The following MED12L variants were observed in gnomAD, a reference collection of about 807,000 sequenced individuals.
MED12L encodes the protein mediator complex subunit 12L.
MED12L carries 60 observed loss-of-function variants against 281.3 expected under a neutral mutation model. The ratio of observed to expected loss-of-function variants is 0.21; its 90% CI spans 0.17 to 0.26. MED12L has a LOEUF of 0.26. Ranked by LOEUF, MED12L falls within the 10% of genes least tolerant of loss-of-function variation. The pLI is 1.00. For synonymous variants in MED12L, 974 were observed against 987.2 expected (o/e 0.99, Z 0.25); for missense variants, 2,146 against 2,680.9 (o/e 0.80, Z 4.41).
intron 43 of MED12L, among the ~76,000 whole-genome samples, chr3:151,423,144 C>T (rs1199686355): frequency 1.3e-5 from 2 of 151,444 alleles, no homozygotes; most frequent in Non-Finnish European, 2.9e-5. Context: ...CTCAGCATCC[C>T]GAGTAGCTGG....
chr3:151,114,123 G>A lies in MED12L; in HGVS notation c.100-2215G>A, dbSNP rs1459009652. On this transcript the variant is annotated intron_variant, in intron 2 of 44. Transcript: ENST00000687756. Reference sequence around the variant, plus strand: ...GTAGCACATTTGCTTTAAGTTGACTGAAACCTTTCTGACTTAAAATATGCA... The same window carrying A: ...GTAGCACATTTGCTTTAAGTTGACTAAAACCTTTCTGACTTAAAATATGCA... Among the ~76,000 whole-genome samples the A allele has an allele frequency of 5.3e-5, 8 of 152,186 alleles. 1 individual carries two copies. Among genetic ancestry groups the A allele is most frequent in the Admixed American group, 4.6e-4 (7 of 15,276 alleles).
At chr3:151,305,399 A>G (rs528787558) in intron 16 of MED12L, among the ~76,000 whole-genome samples, 8 of 152,224 alleles carry the variant, frequency 5.3e-5, no homozygotes, top group African/African-American at 1.7e-4. Flanking sequence ...TCCTTTGGCT[A>G]TTTTACTAAC....
intron 43 of MED12L, among the ~76,000 whole-genome samples, chr3:151,420,371 T>C (rs1718098637): frequency 6.6e-6 from 1 of 152,126 alleles, no homozygotes. Flanking sequence ...AATAGAATCA[T>C]TGTATTCCTA....
At chr3:151,103,889 CCT>C (rs1001815292) in intron 2 of MED12L, among the ~76,000 whole-genome samples, 9 of 152,206 alleles carry the variant, frequency 5.9e-5, no homozygotes, top group African/African-American at 2.2e-4. Context: ...TTACTTCTCA[CCT>C]CTCAGCCTCA....
chr3:151,355,744 T>G (rs906580967), intron 18 of MED12L, 152 bp from the exon 19 acceptor site: 3 of 569,308 alleles, frequency 5.3e-6, no homozygotes, highest in Non-Finnish European at 8.5e-6. Context: ...TCTTTGTACA[T>G]AGTTTTATAG....
intron 17 of MED12L, 92 bp downstream of exon 17, chr3:151,350,298 A>G: frequency 7.9e-7 from 1 of 1,259,142 alleles, no homozygotes; most frequent in Non-Finnish European, 1.1e-6. Context: ...GTCACTGTCA[A>G]CAGAGCGTTT....
At chr3:151,359,720 C>T (rs1754373038) in intron 20 of MED12L, among the ~76,000 whole-genome samples, 1 of 152,042 alleles carries the variant, frequency 6.6e-6, no homozygotes, top group African/African-American at 2.4e-5. Flanking sequence ...AATAATCTGT[C>T]ATCTGTGACT....
chr3:151,398,126 G>A (rs1220801927), intron 39 of MED12L, among the ~76,000 whole-genome samples: 1 of 152,178 alleles, frequency 6.6e-6, no homozygotes, highest in Non-Finnish European at 1.5e-5. Context: ...GTTGCTTCCA[G>A]GAGCCTAAAG....
intron 10 of MED12L, 80 bp downstream of exon 10, chr3:151,165,599 CATGAATAAGGCA>C: frequency 8.0e-7 from 1 of 1,253,838 alleles, no homozygotes; most frequent in Admixed American, 1.9e-5. Flanking sequence ...AACCATTCCA[CATGAATAAGGCA>C]GCTTTTTGAC....
rs1720187081 is a variant in MED12L at position 151,436,243 on chromosome 3, A to G, written c.*3439A>G. The G allele has an allele frequency of 6.5e-6, 1 of 154,266 alleles. No individual in the cohort carries two copies. Among genetic ancestry groups the G allele is most frequent in the Admixed American group, 6.4e-5 (1 of 15,702 alleles). 9.6% of individuals were successfully genotyped at this position (154,266 alleles called of 1,614,324 possible). ...AGCAAAAAAATTTATAAACCACAAA[A>G]TATTTATACATCAGGATGGTAAATT... On this transcript the variant is annotated 3_prime_UTR_variant, in exon 45 of 45. Transcript: ENST00000687756.
chr3:151,213,517 C>A (rs142582353), intron 16 of MED12L: 14 of 1,614,000 alleles, frequency 8.7e-6, no homozygotes, highest in South Asian at 1.1e-5. Context: ...TTTTGACTGG[C>A]AGCTGTAATG....
chr3:151,128,626 T>G (rs1208968314), intron 5 of MED12L, among the ~76,000 whole-genome samples: 1 of 152,216 alleles, frequency 6.6e-6, no homozygotes, highest in African/African-American at 2.4e-5. Flanking sequence ...AATATTTGCA[T>G]GCTTCTGTCT....
intron 4 of MED12L, among the ~76,000 whole-genome samples, chr3:151,123,904 T>C (rs996340417): frequency 6.6e-6 from 1 of 152,242 alleles, no homozygotes; most frequent in African/African-American, 2.4e-5. Flanking sequence ...CTTGCATAGA[T>C]TTCAGTGGTG....
Position 151,165,972 on chromosome 3 carries a change from A to G in MED12L, c.1484A>G (p.Asp495Gly), listed in dbSNP as rs1379805740. 1.2e-6 allele frequency: 2 copies of G among 1,609,844 alleles called. No individual in the cohort carries two copies. The highest frequency in any genetic ancestry group is 8.5e-7 in the Non-Finnish European group (1 of 1,178,388). ...HKIFWANQNKDNQEVAPNDEA... is the reference protein window; with the variant it reads ...HKIFWANQNKGNQEVAPNDEA... ...ATTTTCTGGGCAAACCAAAACAAAG[A>G]TAACCAAGAGGTAGTTAATTTTTTT... The change falls in exon 11 of 45, where the codon GAT becomes GGT. Residue 495 changes from aspartate (D) to glycine (G), a missense_variant. Transcript: ENST00000687756.
chr3:151,424,901 A>G (rs542179485), intron 43 of MED12L, among the ~76,000 whole-genome samples: 1 of 152,198 alleles, frequency 6.6e-6, no homozygotes, highest in South Asian at 2.1e-4. Flanking sequence ...TTTAAAATAA[A>G]TGTTGCTTTG....
At chr3:151,333,526 A>G (rs1750585069) in intron 16 of MED12L, among the ~76,000 whole-genome samples, 1 of 152,216 alleles carries the variant, frequency 6.6e-6, no homozygotes, top group Non-Finnish European at 1.5e-5. Context: ...GTTATGCTAC[A>G]TAAATTTACC....
At chr3:151,297,926 T>A (rs1745326597) in intron 16 of MED12L, among the ~76,000 whole-genome samples, 1 of 152,090 alleles carries the variant, frequency 6.6e-6, no homozygotes, top group South Asian at 2.1e-4. Flanking sequence ...AAATTTCACA[T>A]TTAGGCAGCA....
intron 16 of MED12L, among the ~76,000 whole-genome samples, chr3:151,271,254 C>T (rs1314358553): frequency 2.0e-5 from 3 of 152,018 alleles, no homozygotes; most frequent in African/African-American, 7.2e-5. Context: ...GGTCAAGGAG[C>T]ACATGAAAAG....
intron 16 of MED12L, among the ~76,000 whole-genome samples, chr3:151,196,326 T>C (rs1273844209): frequency 6.6e-6 from 1 of 152,206 alleles, no homozygotes; most frequent in Non-Finnish European, 1.5e-5. Context: ...CCAAAGGATA[T>C]GCTAATATAA....
Sources: allele counts gnomAD v4.1 joint callset (sites outside exome capture counted in the v4.1 genomes callset), GRCh38; gene constraint gnomAD v4.1.1; transcripts MANE v1.5; gene names NCBI Gene and HGNC (gene_info 2026-07-23, HGNC 2026-07-21).